Variants in GRIK4 observed in about 807,000 individuals in gnomAD.
GRIK4 encodes the protein glutamate receptor ionotropic, kainate 4.
In GRIK4, 40 loss-of-function variants were observed where a neutral mutation model predicts 104.9. That is an observed-to-expected ratio of 0.38 (90% CI 0.30 to 0.50). The LOEUF is 0.50. Ranked by LOEUF, GRIK4 falls within the 20% of genes least tolerant of loss-of-function variation. The probability of loss-of-function intolerance (pLI) is 0.93; values close to 1 mark genes in which losing one functional copy is unlikely to be tolerated. For synonymous variants in GRIK4, 485 were observed against 524.9 expected, an observed-to-expected ratio of 0.92 and a Z score of 1.04; for missense variants, 1,047 against 1,308.1, an observed-to-expected ratio of 0.80 and a Z score of 3.08.
In GRIK4 at chr11:120,986,307, A is replaced by AGGGGCGGGGC. The variant is rs1201660829; in HGVS notation, c.*51_*60dup. On this transcript the variant is annotated 3_prime_UTR_variant, in exon 21 of 21. Transcript: ENST00000527524. ...CAGAGGCCGGGCGGGGCGGGAGGGG[A>AGGGGCGGGGC]GGGGCGGGGCGGGCGCTGCTGTCAG... is the stretch of plus-strand genomic sequence containing the variant. 1,183 of 536,756 alleles carry AGGGGCGGGGC rather than the reference A, an allele frequency of 2.2e-3. 10 individuals are homozygous for AGGGGCGGGGC. The African/African-American group carries it at 0.024, about 11-fold the overall frequency. 33.2% of individuals were successfully genotyped at this position (536,756 alleles called of 1,614,324 possible).
chr11:120,645,603 G>A (rs552597787), intron 1 of GRIK4, among the ~76,000 whole-genome samples: 4 of 152,286 alleles, frequency 2.6e-5, no homozygotes, highest in East Asian at 3.9e-4. Context: ...TGGCATCCAC[G>A]TGGACATGGG....
intron 8 of GRIK4, among the ~76,000 whole-genome samples, chr11:120,848,295 A>G (rs1281980882): frequency 1.3e-5 from 2 of 151,858 alleles, no homozygotes; most frequent in African/African-American, 4.8e-5. Context: ...TGCTCTGTTC[A>G]CCTTTCTTTT....
chr11:120,538,640 G>C (rs1012662491), intron 1 of GRIK4, among the ~76,000 whole-genome samples: 1 of 152,224 alleles, frequency 6.6e-6, no homozygotes, highest in African/African-American at 2.4e-5. Flanking sequence ...GAAGTGCAGA[G>C]ACGGGCCATG....
intron 1 of GRIK4, among the ~76,000 whole-genome samples, chr11:120,622,769 C>T (rs1949205635): frequency 6.6e-6 from 1 of 152,222 alleles, no homozygotes. Flanking sequence ...CGTTCTGTGC[C>T]TCTTGCAGCA....
At chr11:120,695,438 G>A (rs1375374898) in intron 3 of GRIK4, among the ~76,000 whole-genome samples, 2 of 152,216 alleles carry the variant, frequency 1.3e-5, no homozygotes, top group Admixed American at 6.5e-5. Context: ...GCAGGCCCCT[G>A]TGAGAAAGAC....
chr11:120,523,897 A>G (rs1352975455), intron 1 of GRIK4, among the ~76,000 whole-genome samples: 1 of 149,766 alleles, frequency 6.7e-6, no homozygotes, highest in African/African-American at 2.4e-5. Context: ...CACGGGTTCC[A>G]TTGCACAGGG....
At chr11:120,979,619 G>A (rs775016179) in intron 19 of GRIK4, among the ~76,000 whole-genome samples, 1 of 152,156 alleles carries the variant, frequency 6.6e-6, no homozygotes, top group Non-Finnish European at 1.5e-5. Context: ...GAATTTCTTT[G>A]TCTTCAAGGA....
At chr11:120,523,467 G>A (rs1947819738) in intron 1 of GRIK4, among the ~76,000 whole-genome samples, 1 of 152,118 alleles carries the variant, frequency 6.6e-6, no homozygotes, top group African/African-American at 2.4e-5. Context: ...TAGGGGTGGA[G>A]GAGGAGCCGA....
At chr11:120,635,053 G>GT (rs1485346976) in intron 1 of GRIK4, among the ~76,000 whole-genome samples, 2 of 152,166 alleles carry the variant, frequency 1.3e-5, no homozygotes, top group African/African-American at 4.8e-5. Context: ...CCTTCTTTCC[G>GT]TTTTCCAGAC....
At chr11:120,533,502 T>C (rs971178742) in intron 1 of GRIK4, among the ~76,000 whole-genome samples, 1 of 152,246 alleles carries the variant, frequency 6.6e-6, no homozygotes, top group Non-Finnish European at 1.5e-5. Context: ...TGCTGCTGTC[T>C]GGCCCAAGGA....
chr11:120,934,953 G>A (rs1368776202), intron 13 of GRIK4, among the ~76,000 whole-genome samples: 5 of 152,022 alleles, frequency 3.3e-5, no homozygotes, highest in Non-Finnish European at 7.4e-5. Context: ...TTCCCCAGAT[G>A]GCCCCTTCCT....
intron 17 of GRIK4, among the ~76,000 whole-genome samples, chr11:120,961,777 G>C (rs1475679694): frequency 6.6e-6 from 1 of 152,224 alleles, no homozygotes; most frequent in Admixed American, 6.5e-5. Context: ...GGGTTAAAAG[G>C]TGTCTAACCA....
At chr11:120,696,764 C>T (rs1950455632) in intron 3 of GRIK4, among the ~76,000 whole-genome samples, 1 of 152,100 alleles carries the variant, frequency 6.6e-6, no homozygotes, top group African/African-American at 2.4e-5. Flanking sequence ...GGGGGACTCC[C>T]TCAACATGGT....
At chr11:120,686,182 T>C (rs1950274350) in intron 3 of GRIK4, among the ~76,000 whole-genome samples, 1 of 152,152 alleles carries the variant, frequency 6.6e-6, no homozygotes, top group Non-Finnish European at 1.5e-5. Flanking sequence ...GCATGATACA[T>C]CCATCAATCT....
chr11:120,922,705 G>A lies in GRIK4; in HGVS notation c.1476+17212G>A, dbSNP rs557946562. ...AACTGACATCCTCCCATTTGTCAGC[G>A]TGAGAGCCAGGCCTGGCTTAGTTGT... On this transcript the variant is annotated intron_variant, in intron 13 of 20. Transcript: ENST00000527524. 8.7e-4 allele frequency among the ~76,000 whole-genome samples: 133 copies of A among 152,308 alleles called. 1 individual carries two copies. The highest frequency in any genetic ancestry group is 3.1e-3 in the African/African-American group (128 of 41,574).
chr11:120,585,799 C>A (rs1324852912), intron 1 of GRIK4, among the ~76,000 whole-genome samples: 1 of 150,618 alleles, frequency 6.6e-6, no homozygotes, highest in Non-Finnish European at 1.5e-5. Flanking sequence ...CCTCTAGATA[C>A]GTTTTTGAGA....
chr11:120,605,081 C>T lies in GRIK4; in HGVS notation c.-158-48604C>T, dbSNP rs115706623. Among the ~76,000 whole-genome samples, 1,237 of 152,282 alleles carry T rather than the reference C, an allele frequency of 8.1e-3. 19 individuals carry two copies. The highest frequency in any genetic ancestry group is 0.027 in the African/African-American group (1,131 of 41,548). Reference sequence around the variant, plus strand: ...GAACTCCTGGGCTCAAGCAACCTCCCGCCTTGACCTCCCAAAGTATTGAGA... The same window carrying T: ...GAACTCCTGGGCTCAAGCAACCTCCTGCCTTGACCTCCCAAAGTATTGAGA... On this transcript the variant is annotated intron_variant, in intron 1 of 20. Transcript: ENST00000527524.
intron 3 of GRIK4, among the ~76,000 whole-genome samples, chr11:120,661,282 C>T (rs75187568): frequency 0.048 from 7,228 of 152,142 alleles, 522 homozygotes; most frequent in African/African-American, 0.16. Context: ...GGGTGGGGCA[C>T]AGCAGTGACA....
intron 19 of GRIK4, among the ~76,000 whole-genome samples, chr11:120,978,808 C>G (rs1944604200): frequency 6.6e-6 from 1 of 151,954 alleles, no homozygotes; most frequent in Admixed American, 6.6e-5. Flanking sequence ...TGCCCCGGGC[C>G]AATCAAAGGA....
Sources: gnomAD v4.1 joint callset for allele counts (sites outside exome capture counted in the v4.1 genomes callset) on GRCh38, gnomAD v4.1.1 for gene constraint, MANE v1.5 for transcripts, NCBI Gene and HGNC (gene_info 2026-07-23, HGNC 2026-07-21) for gene names.